Variants in NTRK2 observed in about 807,000 individuals in gnomAD.
NTRK2 encodes the protein neurotrophic receptor tyrosine kinase 2, also known as BDNF/NT-3 growth factors receptor.
NTRK2 carries 13 observed loss-of-function variants against 94.5 expected under a neutral mutation model. The observed-to-expected ratio is 0.14, with a 90% CI of 0.09 to 0.22. The LOEUF is 0.22. Among genes scored for constraint, NTRK2 ranks in the 10% least tolerant of loss-of-function variants. NTRK2 has a pLI of 1.00. For missense variants in NTRK2, 639 were observed against 1,071.2 expected (o/e 0.60, Z 5.63); for synonymous variants, 372 against 407.4 (o/e 0.91, Z 1.05).
chr9:84,864,951 G>T (rs970142460), intron 13 of NTRK2, among the ~76,000 whole-genome samples: 2 of 151,876 alleles, frequency 1.3e-5, no homozygotes. Context: ...ATGGCGGCCA[G>T]GCTGGTCTCA....
rs1316049927 is a variant in NTRK2, at chr9:84,861,021, G to A, written c.1397-19G>A. 1 of 1,611,586 alleles carries A rather than the reference G, an allele frequency of 6.2e-7. No homozygotes were observed. The highest frequency in any genetic ancestry group is 8.5e-7 in the Non-Finnish European group (1 of 1,178,370). On this transcript the variant is annotated intron_variant, in intron 12 of 18. Transcript: ENST00000277120. ...ACTTCTCTTTCGAAGTTTATTTTATGTTTTGTTGTGGTTTTCAGATTTCTC... is the reference window on the plus strand; with the variant it reads ...ACTTCTCTTTCGAAGTTTATTTTATATTTTGTTGTGGTTTTCAGATTTCTC...
chr9:85,018,656 T>C (rs1415235975), intron 17 of NTRK2, among the ~76,000 whole-genome samples: 1 of 152,228 alleles, frequency 6.6e-6, no homozygotes, highest in Non-Finnish European at 1.5e-5. Flanking sequence ...ACCAGAAATG[T>C]GCTGAAATAG....
intron 14 of NTRK2, among the ~76,000 whole-genome samples, chr9:84,892,629 T>C (rs936586098): frequency 1.3e-5 from 2 of 152,210 alleles, no homozygotes; most frequent in South Asian, 2.1e-4. Flanking sequence ...GTTCAATATT[T>C]ACTGTCCTAG....
At chr9:84,864,736 CTTTT>C (rs71369154) in intron 13 of NTRK2, among the ~76,000 whole-genome samples, 14 of 104,590 alleles carry the variant, frequency 1.3e-4, no homozygotes, top group Non-Finnish European at 2.6e-4. Context: ...TCTTAATTTT[CTTTT>C]TTTTTTTTTT....
chr9:84,691,853 G>C (rs1010048789), intron 2 of NTRK2, among the ~76,000 whole-genome samples: 3 of 152,158 alleles, frequency 2.0e-5, no homozygotes, highest in Non-Finnish European at 4.4e-5. Flanking sequence ...TTAGGCTCCC[G>C]TGGTGCCTCC....
intron 16 of NTRK2, among the ~76,000 whole-genome samples, chr9:84,950,524 C>T (rs1357558912): frequency 1.3e-5 from 2 of 152,170 alleles, no homozygotes; most frequent in East Asian, 3.9e-4. Context: ...CCCCAGTTCG[C>T]TCAATCACCT....
intron 12 of NTRK2, among the ~76,000 whole-genome samples, chr9:84,786,645 A>T (rs986780412): frequency 6.6e-6 from 1 of 152,170 alleles, no homozygotes; most frequent in Non-Finnish European, 1.5e-5. Flanking sequence ...AAAGAAAAGT[A>T]TTATCTTAAA....
chr9:84,680,944 G>T (rs961404424), intron 2 of NTRK2, among the ~76,000 whole-genome samples: 1 of 152,034 alleles, frequency 6.6e-6, no homozygotes, highest in African/African-American at 2.4e-5. Context: ...CACTTTTCTT[G>T]TTTTCCCTCT....
chr9:84,957,938 T>A (rs1824364801), intron 17 of NTRK2, among the ~76,000 whole-genome samples: 1 of 152,238 alleles, frequency 6.6e-6, no homozygotes, highest in Non-Finnish European at 1.5e-5. Context: ...TGATTCATGC[T>A]GCAACACAGA....
chr9:84,992,405 T>C (rs899214354), intron 17 of NTRK2, among the ~76,000 whole-genome samples: 3 of 152,114 alleles, frequency 2.0e-5, no homozygotes, highest in Non-Finnish European at 4.4e-5. Context: ...TCTCGGGGGC[T>C]ACTCCACTAG....
chr9:84,866,268 T>C (rs766983738), intron 13 of NTRK2, among the ~76,000 whole-genome samples: 15 of 152,212 alleles, frequency 9.9e-5, no homozygotes, highest in Admixed American at 2.6e-4. Flanking sequence ...CCAGTTAAAG[T>C]TCATTTAGTA....
intron 6 of NTRK2, 27 bp from the exon 7 acceptor site, chr9:84,723,546 C>G: frequency 6.2e-7 from 1 of 1,613,500 alleles, no homozygotes; most frequent in Non-Finnish European, 8.5e-7. Context: ...TTTGCATATG[C>G]CTCTGTTTAC....
At chr9:84,780,193 C>A (rs1330437006) in intron 12 of NTRK2, among the ~76,000 whole-genome samples, 5 of 152,096 alleles carry the variant, frequency 3.3e-5, no homozygotes, top group Non-Finnish European at 7.4e-5. Flanking sequence ...ATACTATGAA[C>A]CCCAGGCTCA....
chr9:84,782,426 GC>G (rs750839449), intron 12 of NTRK2, among the ~76,000 whole-genome samples: 2 of 152,210 alleles, frequency 1.3e-5, no homozygotes, highest in Non-Finnish European at 2.9e-5. Flanking sequence ...GGCACGTTCT[GC>G]GGCTCTCCCC....
chr9:84,993,544 A>T (rs1047866550), intron 17 of NTRK2, among the ~76,000 whole-genome samples: 1 of 152,214 alleles, frequency 6.6e-6, no homozygotes, highest in African/African-American at 2.4e-5. Flanking sequence ...CACTGCTCCC[A>T]CTGCAATCCC....
rs76138110 is a variant in NTRK2, at chr9:84,852,903, C to T, written c.1397-8137C>T. Among the ~76,000 whole-genome samples, 707 of 152,220 alleles carry T rather than the reference C, an allele frequency of 4.6e-3. 13 individuals carry two copies. The highest frequency in any genetic ancestry group is 0.038 in the Admixed American group (575 of 15,292). ...GGCTTTTATTTTTAAAATGCTGCAA[C>T]AGAAGCTGATTAATTTTCAAATTAA... On this transcript the variant is annotated intron_variant, in intron 12 of 18. Coordinates refer to ENST00000277120, the MANE Select transcript of NTRK2 (RefSeq NM_006180.6).
rs529873046 is a variant in NTRK2 at position 84,792,792 on chromosome 9, C to T, written c.1396+40707C>T. ...CTTACACAAGATTAAGAAAGTTGCCCAAGGTCACAAATTAGTAAAATGAAG... is the reference window on the plus strand; with the variant it reads ...CTTACACAAGATTAAGAAAGTTGCCTAAGGTCACAAATTAGTAAAATGAAG... On this transcript the variant is annotated intron_variant, in intron 12 of 18. Coordinates refer to ENST00000277120, the MANE Select transcript of NTRK2 (RefSeq NM_006180.6). 1.1e-3 allele frequency among the ~76,000 whole-genome samples: 158 copies of T among 150,292 alleles called. 1 individual carries two copies. Among genetic ancestry groups the T allele is most frequent in the African/African-American group, 3.7e-3 (151 of 41,356 alleles).
At chr9:84,736,747 T>C (rs916917354) in intron 9 of NTRK2, among the ~76,000 whole-genome samples, 1 of 152,214 alleles carries the variant, frequency 6.6e-6, no homozygotes, top group Non-Finnish European at 1.5e-5. Flanking sequence ...TCCTGAGGAA[T>C]TGCCAGAGCC....
At chr9:85,000,854 G>A (rs1830258267) in intron 17 of NTRK2, among the ~76,000 whole-genome samples, 1 of 152,132 alleles carries the variant, frequency 6.6e-6, no homozygotes, top group South Asian at 2.1e-4. Flanking sequence ...TTCCAAAATG[G>A]CTGTATCATT....
Sources: allele counts gnomAD v4.1 joint callset (sites outside exome capture counted in the v4.1 genomes callset), GRCh38; gene constraint gnomAD v4.1.1; transcripts MANE v1.5; gene names NCBI Gene and HGNC (gene_info 2026-07-23, HGNC 2026-07-21).